Variants in BMPR1B observed in about 807,000 individuals in gnomAD.
BMPR1B encodes the protein bone morphogenetic protein receptor type 1B.
BMPR1B carries 12 observed loss-of-function variants against 59.1 expected under a neutral mutation model. The ratio of observed to expected loss-of-function variants is 0.20; its 90% confidence interval spans 0.13 to 0.33. The LOEUF (loss-of-function observed/expected upper bound fraction) is 0.33, where lower values mean the gene tolerates loss of function less well. BMPR1B is among the 10% of genes least tolerant of loss of function. The probability of loss-of-function intolerance (pLI) is 1.00; values close to 1 mark genes in which losing one functional copy is unlikely to be tolerated. For synonymous variants in BMPR1B, 237 were observed against 207.3 expected, an observed-to-expected ratio of 1.14 and a Z score of -1.23; for missense variants, 550 against 610.9, an observed-to-expected ratio of 0.90 and a Z score of 1.05.
At chr4:94,967,607 T>C (rs578170943) in intron 2 of BMPR1B, among the ~76,000 whole-genome samples, 1 of 151,806 alleles carries the variant, frequency 6.6e-6, no homozygotes, top group Admixed American at 6.6e-5. Flanking sequence ...CTCAGCCTCC[T>C]GAGTAGCTGG....
chr4:95,103,225 T>G (rs1560654968), intron 3 of BMPR1B, among the ~76,000 whole-genome samples: 1 of 152,114 alleles, frequency 6.6e-6, no homozygotes, highest in African/African-American at 2.4e-5. Context: ...CAGGAAAAAT[T>G]ATCACAGATT....
chr4:94,996,735 A>G (rs1722084105), intron 3 of BMPR1B, among the ~76,000 whole-genome samples: 1 of 152,200 alleles, frequency 6.6e-6, no homozygotes, highest in South Asian at 2.1e-4. Context: ...AGCACTGAGG[A>G]GAAGTTCTCT....
intron 3 of BMPR1B, among the ~76,000 whole-genome samples, chr4:95,032,062 G>A (rs1724900476): frequency 6.6e-6 from 1 of 152,114 alleles, no homozygotes; most frequent in African/African-American, 2.4e-5. Context: ...AAAACTCTTA[G>A]TCTACTCAGG....
intron 2 of BMPR1B, among the ~76,000 whole-genome samples, chr4:94,931,407 A>T (rs1470440076): frequency 6.6e-6 from 1 of 152,032 alleles, no homozygotes; most frequent in East Asian, 1.9e-4. Context: ...TAACTCTGTG[A>T]TTGAAAGGAC....
intron 1 of BMPR1B, among the ~76,000 whole-genome samples, chr4:94,814,283 A>G (rs1333899285): frequency 1.3e-5 from 2 of 152,224 alleles, no homozygotes; most frequent in Admixed American, 1.3e-4. Flanking sequence ...CATAACTTGG[A>G]AAGGAAAACT....
chr4:95,009,710 G>T (rs1232761390), intron 3 of BMPR1B, among the ~76,000 whole-genome samples: 2 of 151,984 alleles, frequency 1.3e-5, no homozygotes, highest in Non-Finnish European at 2.9e-5. Context: ...TTATCTGAGG[G>T]GCCCTTCATA....
intron 1 of BMPR1B, among the ~76,000 whole-genome samples, chr4:94,866,632 T>A (rs1726256268): frequency 6.6e-6 from 1 of 152,194 alleles, no homozygotes; most frequent in African/African-American, 2.4e-5. Context: ...GTCGCCAGGC[T>A]GGAGTGCAGT....
In BMPR1B at chr4:94,870,352, A is replaced by T. The variant is rs900351424; in HGVS notation, c.-182-5479A>T. On this transcript the variant is annotated intron_variant, in intron 1 of 12. Transcript: ENST00000515059. ...TCTTGCTGGTTGGAGCTCTCAGTGG[A>T]TTGACTTCCCTTTCTCTCTACTTCC... is the stretch of plus-strand genomic sequence containing the variant. Among the ~76,000 whole-genome samples, 6 of 152,030 alleles carry T rather than the reference A, an allele frequency of 3.9e-5. No individual in the cohort carries two copies. The East Asian group carries it at 1.2e-3, about 29-fold the overall frequency.
At chr4:94,911,109 C>G (rs1728257988) in intron 2 of BMPR1B, among the ~76,000 whole-genome samples, 2 of 152,098 alleles carry the variant, frequency 1.3e-5, no homozygotes, top group South Asian at 4.1e-4. Flanking sequence ...TCTCTTTGTA[C>G]AGTGGGATGA....
intron 1 of BMPR1B, among the ~76,000 whole-genome samples, chr4:94,870,150 T>G (rs1417918153): frequency 6.6e-6 from 1 of 152,346 alleles, no homozygotes; most frequent in South Asian, 2.1e-4. Flanking sequence ...GCGTTTAAAC[T>G]TTTGGATAAA....
chr4:94,971,222 G>A (rs1201785133), intron 2 of BMPR1B, among the ~76,000 whole-genome samples: 1 of 152,108 alleles, frequency 6.6e-6, no homozygotes, highest in African/African-American at 2.4e-5. Context: ...TAATGGATGT[G>A]TTTTAGATGA....
At chr4:95,097,537 C>T (rs1219286581) in intron 3 of BMPR1B, among the ~76,000 whole-genome samples, 1 of 151,894 alleles carries the variant, frequency 6.6e-6, no homozygotes, top group Non-Finnish European at 1.5e-5. Context: ...GACTTTCTTT[C>T]TTTCTTTCTT....
chr4:94,947,847 C>G (rs1729778150), intron 2 of BMPR1B, among the ~76,000 whole-genome samples: 1 of 152,250 alleles, frequency 6.6e-6, no homozygotes, highest in Non-Finnish European at 1.5e-5. Context: ...CCACCTCTGG[C>G]TGTTCATGGC....
At chr4:94,972,833 T>C (rs1189087620) in intron 2 of BMPR1B, among the ~76,000 whole-genome samples, 3 of 152,188 alleles carry the variant, frequency 2.0e-5, no homozygotes, top group Non-Finnish European at 4.4e-5. Flanking sequence ...ATTATGGTAA[T>C]GAAGCAGGGT....
chr4:95,097,388 A>G (rs1338517372), intron 3 of BMPR1B, among the ~76,000 whole-genome samples: 3 of 151,862 alleles, frequency 2.0e-5, no homozygotes, highest in African/African-American at 7.2e-5. Context: ...TTTTTTCTTT[A>G]TATTTTCTGT....
chr4:95,039,421 C>CTTTTTTTTTTTTTT (rs35591365), intron 3 of BMPR1B, among the ~76,000 whole-genome samples: 1 of 140,958 alleles, frequency 7.1e-6, no homozygotes, highest in Non-Finnish European at 1.5e-5. Context: ...TTTACTTCTT[C>CTTTTTTTTTTTTTT]TTTTTTTTTT....
chr4:94,955,139 C>T (rs184503623), intron 2 of BMPR1B, among the ~76,000 whole-genome samples: 19 of 152,234 alleles, frequency 1.2e-4, no homozygotes, highest in East Asian at 1.9e-4. Context: ...TGATCAGTAC[C>T]GTTATGGTGT....
chr4:94,848,882 C>G (rs1354770260), intron 1 of BMPR1B, among the ~76,000 whole-genome samples: 1 of 152,150 alleles, frequency 6.6e-6, no homozygotes, highest in Non-Finnish European at 1.5e-5. Flanking sequence ...GCATCGAGAA[C>G]AATTCCAAGG....
Position 94,902,014 on chromosome 4 carries a change from T to C in BMPR1B, c.-113+26114T>C, listed in dbSNP as rs553166569. Among the ~76,000 whole-genome samples, 92 of 149,722 alleles carry C rather than the reference T, an allele frequency of 6.1e-4. 1 individual carries two copies. Among genetic ancestry groups the C allele is most frequent in the Non-Finnish European group, 1.2e-3 (79 of 67,526 alleles). On this transcript the variant is annotated intron_variant, in intron 2 of 12. Coordinates refer to ENST00000515059, the MANE Select transcript of BMPR1B (RefSeq NM_001203.3). ...TACATACTCTGGTTCATTTCAACAATAGACTGGTTAAGAGGGCTCTGCAGA... is the reference window on the plus strand; with the variant it reads ...TACATACTCTGGTTCATTTCAACAACAGACTGGTTAAGAGGGCTCTGCAGA...
Sources: allele counts gnomAD v4.1 joint callset (sites outside exome capture counted in the v4.1 genomes callset), GRCh38; gene constraint gnomAD v4.1.1; transcripts MANE v1.5; gene names NCBI Gene and HGNC (gene_info 2026-07-23, HGNC 2026-07-21).